Variants in TENM2 observed in about 807,000 individuals in gnomAD.
The protein encoded by TENM2 is teneurin transmembrane protein 2.
TENM2 carries 52 observed loss-of-function variants against 245.2 expected under a neutral mutation model. The observed-to-expected ratio is 0.21, with a 90% CI of 0.17 to 0.27. The LOEUF is 0.27. Among genes scored for constraint, TENM2 ranks in the 10% least tolerant of loss-of-function variants. The pLI is 1.00. For synonymous variants in TENM2, 1,363 were observed against 1,438.9 expected (o/e 0.95, Z 1.19); for missense variants, 3,046 against 3,666.8 (o/e 0.83, Z 4.37).
Position 168,118,488 on chromosome 5 carries a change from TA to T in TENM2, c.2008+4del. The T allele has an allele frequency of 6.6e-7, 1 of 1,514,924 alleles. No homozygotes were observed. The highest frequency in any genetic ancestry group is 9.0e-7 in the Non-Finnish European group (1 of 1,117,058). The allele number at this position is 1,514,924 out of a possible 1,614,324, so 93.8% of individuals were successfully genotyped here. A position where few individuals can be genotyped will look rare whatever the true frequency, so the allele number is the denominator to read the frequency against. On this transcript the variant is annotated splice_donor_region_variant and intron_variant, in intron 10 of 28. Coordinates refer to ENST00000518659, the Ensembl canonical transcript of TENM2. ...ACAAAGGCGAGCACTGTGAGGAAGG[TA>T]AGCCCGCCGGCCCCGGGGCTAGGCA...
intron 2 of TENM2, among the ~76,000 whole-genome samples, chr5:167,872,548 G>GAGAA (rs144381538): frequency 0.019 from 1,250 of 65,422 alleles, 24 homozygotes; most frequent in Non-Finnish European, 0.036. Flanking sequence ...AAGAAAGAAA[G>GAGAA]AGAAAGAAAG....
the TENM2 span, among the ~76,000 whole-genome samples, chr5:167,161,080 A>T: frequency 3.6e-4 from 55 of 152,340 alleles, no homozygotes; most frequent in African/African-American, 1.3e-3. Flanking sequence ...GTTCAAATAA[A>T]TTGTGGATAT....
At chr5:166,979,193 A>AG in the TENM2 span, among the ~76,000 whole-genome samples, 6,834 of 108,628 alleles carry the variant, frequency 0.063, 452 homozygotes, top group African/African-American at 0.2. Context: ...CAGCACCACC[A>AG]CCAGCAGCAG....
intron 19 of TENM2, among the ~76,000 whole-genome samples, chr5:168,207,893 CA>C (rs1762490802): frequency 6.6e-6 from 1 of 152,186 alleles, no homozygotes; most frequent in African/African-American, 2.4e-5. Context: ...TCTGATGCTA[CA>C]AAGAGCCTTC....
In TENM2 at chr5:168,244,928, C is replaced by T. The variant is rs773175299; in HGVS notation, c.5817+212C>T. ...GTGACTACAGGCACATGTCACCACG[C>T]CCGGCTAATTTTGTATTTTTAGTAG... On this transcript the variant is annotated intron_variant, in intron 26 of 28. Transcript: ENST00000518659. The surrounding 1 kb of genome is among the most constrained non-coding windows in gnomAD (Gnocchi z 4.9). Among the ~76,000 whole-genome samples, 2 of 152,028 alleles carry T rather than the reference C, an allele frequency of 1.3e-5. No homozygotes were observed. Among genetic ancestry groups the T allele is most frequent in the Non-Finnish European group, 1.5e-5 (1 of 68,014 alleles).
chr5:167,030,704 G>A, the TENM2 span, among the ~76,000 whole-genome samples: 1 of 152,100 alleles, frequency 6.6e-6, no homozygotes, highest in Non-Finnish European at 1.5e-5. Flanking sequence ...GCAGAGCAAG[G>A]AAATGAGAAA....
chr5:168,189,715 C>T (rs200318992), intron 13 of TENM2, among the ~76,000 whole-genome samples: 1 of 152,128 alleles, frequency 6.6e-6, no homozygotes. Context: ...GAATACTTTT[C>T]TCCGTTAAAG....
chr5:167,505,833 A>C (rs1477260953), intron 2 of TENM2, among the ~76,000 whole-genome samples: 1 of 152,152 alleles, frequency 6.6e-6, no homozygotes, highest in African/African-American at 2.4e-5. Context: ...GAAAATATTA[A>C]AGGGATCATA....
chr5:167,853,437 G>A (rs1770792282), intron 2 of TENM2, among the ~76,000 whole-genome samples: 1 of 151,948 alleles, frequency 6.6e-6, no homozygotes, highest in Admixed American at 6.6e-5. Flanking sequence ...AAATAAATAA[G>A]GTTCTGTGAC....
chr5:167,755,341 G>T (rs1172578395), intron 2 of TENM2: 1 of 587,318 alleles, frequency 1.7e-6, no homozygotes, highest in Non-Finnish European at 3.0e-6. Context: ...TCGCACCGCA[G>T]TTGTCTTAAC....
At chr5:168,178,311 G>A (rs564019923) in intron 13 of TENM2, among the ~76,000 whole-genome samples, 6 of 152,338 alleles carry the variant, frequency 3.9e-5, no homozygotes, top group South Asian at 4.1e-4. Flanking sequence ...CTTTGAAATG[G>A]AGGTTGATGA....
At chr5:167,400,922 C>T (rs1762330749) in intron 2 of TENM2, among the ~76,000 whole-genome samples, 1 of 152,098 alleles carries the variant, frequency 6.6e-6, no homozygotes, top group Non-Finnish European at 1.5e-5. Flanking sequence ...CTTGTAGGTG[C>T]TTGATTAAAA....
At chr5:167,484,211 G>T (rs2127533054) in intron 2 of TENM2, among the ~76,000 whole-genome samples, 1 of 152,254 alleles carries the variant, frequency 6.6e-6, no homozygotes, top group Middle Eastern at 3.4e-3. Context: ...AGGGCTTGGT[G>T]GCGGGAACCT....
At chr5:168,022,568 T>G (rs1002833651) in intron 5 of TENM2, among the ~76,000 whole-genome samples, 1 of 152,232 alleles carries the variant, frequency 6.6e-6, no homozygotes. Context: ...GGTTAAGTTT[T>G]GCTTTGTGCA....
At chr5:168,228,449 C>T (rs1270001860) in intron 25 of TENM2, among the ~76,000 whole-genome samples, 1 of 152,212 alleles carries the variant, frequency 6.6e-6, no homozygotes, top group Non-Finnish European at 1.5e-5. Flanking sequence ...TAACTAGAGA[C>T]AGCTTTGGTC....
chr5:168,085,684 C>G (rs79544020), intron 7 of TENM2: 1 of 152,482 alleles, frequency 6.6e-6, no homozygotes, highest in Admixed American at 6.5e-5. Context: ...ATCAGCTGGG[C>G]GCACTTTGCC....
chr5:167,390,171 G>A lies in TENM2; in HGVS notation c.502+14698G>A, dbSNP rs545117847. Reference sequence around the variant, plus strand: ...GGGATAGAACACCAAATGTATTTACGGAGTTGATTTGGTTTATCAGAAATC... The same window carrying A: ...GGGATAGAACACCAAATGTATTTACAGAGTTGATTTGGTTTATCAGAAATC... On this transcript the variant is annotated intron_variant, in intron 2 of 28. Transcript: ENST00000518659. Among the ~76,000 whole-genome samples the A allele has an allele frequency of 7.2e-5, 11 of 152,264 alleles. No homozygotes were observed. The East Asian group carries it at 1.7e-3, about 24-fold the overall frequency.
At chr5:167,304,519 G>A (rs1379008697) in intron 1 of TENM2, among the ~76,000 whole-genome samples, 1 of 152,130 alleles carries the variant, frequency 6.6e-6, no homozygotes, top group African/African-American at 2.4e-5. Flanking sequence ...AGGACTTCTT[G>A]GGAAATGGTA....
intron 2 of TENM2, among the ~76,000 whole-genome samples, chr5:167,837,417 C>A (rs1769101774): frequency 6.6e-6 from 1 of 152,108 alleles, no homozygotes; most frequent in African/African-American, 2.4e-5. Context: ...GCTCTCTCAT[C>A]AGTATATGAG....
Sources: allele counts gnomAD v4.1 joint callset (sites outside exome capture counted in the v4.1 genomes callset), GRCh38; gene constraint gnomAD v4.1.1; non-coding constraint Gnocchi (gnomAD v3.1); transcripts MANE v1.5; gene names NCBI Gene and HGNC (gene_info 2026-07-23, HGNC 2026-07-21).